The following DSCAML1 variants were observed in gnomAD, a reference collection of about 807,000 sequenced individuals.
DSCAML1 encodes DS cell adhesion molecule like 1, also known as cell adhesion molecule DSCAML1.
A neutral mutation model predicts 200.5 loss-of-function variants in DSCAML1; 38 were observed. The ratio of observed to expected loss-of-function variants is 0.19; its 90% CI spans 0.15 to 0.25. The LOEUF (loss-of-function observed/expected upper bound fraction) is 0.25. Among genes scored for constraint, DSCAML1 ranks in the 10% least tolerant of loss-of-function variants. DSCAML1 has a pLI of 1.00. For missense variants in DSCAML1, 2,223 were observed against 2,858.8 expected, an observed-to-expected ratio of 0.78 and a Z score of 5.07; for synonymous variants, 1,215 against 1,165.0, an observed-to-expected ratio of 1.04 and a Z score of -0.87.
At chr11:117,618,367 A>G (rs1406151525) in intron 3 of DSCAML1, among the ~76,000 whole-genome samples, 1 of 152,188 alleles carries the variant, frequency 6.6e-6, no homozygotes, top group East Asian at 1.9e-4. Flanking sequence ...GCTTAAATTT[A>G]TTTCCCTGGA....
intron 20 of DSCAML1, among the ~76,000 whole-genome samples, chr11:117,449,853 A>C (rs1222154159): frequency 3.3e-5 from 5 of 152,036 alleles, no homozygotes; most frequent in Admixed American, 3.3e-4. Context: ...GGGAAAATAC[A>C]TATGATGGGA....
At chr11:117,663,861 AC>A (rs1300930346) in intron 3 of DSCAML1, among the ~76,000 whole-genome samples, 1 of 152,080 alleles carries the variant, frequency 6.6e-6, no homozygotes, top group African/African-American at 2.4e-5. Flanking sequence ...CACTTACACA[AC>A]ATCTTTCCCC....
At chr11:117,546,047 G>A (rs1387678889) in intron 3 of DSCAML1, among the ~76,000 whole-genome samples, 1 of 152,266 alleles carries the variant, frequency 6.6e-6, no homozygotes, top group African/African-American at 2.4e-5. Flanking sequence ...AGAGCCAGAA[G>A]CTTTGGCCTG....
chr11:117,591,008 T>G (rs547748528), intron 3 of DSCAML1, among the ~76,000 whole-genome samples: 2 of 152,174 alleles, frequency 1.3e-5, no homozygotes, highest in African/African-American at 4.8e-5. Context: ...CACATCTTGA[T>G]AGTTGTGAAA....
Position 117,788,274 on chromosome 11 carries a change from T to A in DSCAML1, c.47-7464A>T, listed in dbSNP as rs112442286. 2.0e-3 allele frequency among the ~76,000 whole-genome samples: 299 copies of A among 152,282 alleles called. 1 individual carries two copies. Among genetic ancestry groups the A allele is most frequent in the African/African-American group, 6.7e-3 (278 of 41,562 alleles). On this transcript the variant is annotated intron_variant, in intron 1 of 32. Coordinates refer to ENST00000651296, the MANE Select transcript of DSCAML1 (RefSeq NM_020693.4). ...CACTACCTTCCCCATCACAGTGCCA[T>A]CTTTTGGTTTTTTTGGTTTGTTTTG...
At chr11:117,568,608 C>G (rs2050795651) in intron 3 of DSCAML1, among the ~76,000 whole-genome samples, 1 of 152,024 alleles carries the variant, frequency 6.6e-6, no homozygotes, top group African/African-American at 2.4e-5. Flanking sequence ...CATGAGTGAA[C>G]TCCCATTCAC....
At chr11:117,645,383 C>T (rs1398273935) in intron 3 of DSCAML1, among the ~76,000 whole-genome samples, 1 of 152,082 alleles carries the variant, frequency 6.6e-6, no homozygotes, top group Admixed American at 6.5e-5. Context: ...GAGAGAAATT[C>T]CAGGGAAGGT....
At chr11:117,683,548 A>G (rs2053347377) in intron 3 of DSCAML1, among the ~76,000 whole-genome samples, 1 of 152,242 alleles carries the variant, frequency 6.6e-6, no homozygotes, top group Non-Finnish European at 1.5e-5. Flanking sequence ...GGAAGCTCAG[A>G]GAGGTGAGTG....
At chr11:117,509,785 C>T (rs79309279) in intron 8 of DSCAML1, among the ~76,000 whole-genome samples, 183 of 152,324 alleles carry the variant, frequency 1.2e-3, no homozygotes, top group East Asian at 7.5e-3. Flanking sequence ...TGTGCCTGGC[C>T]ATTTCCATTT....
chr11:117,558,283 G>T (rs2050595805), intron 3 of DSCAML1, among the ~76,000 whole-genome samples: 1 of 152,108 alleles, frequency 6.6e-6, no homozygotes, highest in African/African-American at 2.4e-5. Context: ...GGTGGAGCGG[G>T]GACCCTTAAG....
chr11:117,658,387 T>C (rs1199961025), intron 3 of DSCAML1, among the ~76,000 whole-genome samples: 1 of 151,878 alleles, frequency 6.6e-6, no homozygotes, highest in Non-Finnish European at 1.5e-5. Flanking sequence ...GACGATGGAG[T>C]TCAACTCCTT....
chr11:117,547,843 G>A (rs973284725), intron 3 of DSCAML1, among the ~76,000 whole-genome samples: 2 of 152,122 alleles, frequency 1.3e-5, no homozygotes, highest in African/African-American at 4.8e-5. Context: ...GGCAGCCCAA[G>A]CCCACAGTCA....
chr11:117,510,773 G>A (rs1338042600), intron 8 of DSCAML1, among the ~76,000 whole-genome samples: 1 of 152,180 alleles, frequency 6.6e-6, no homozygotes, highest in Non-Finnish European at 1.5e-5. Context: ...GACATTCGTG[G>A]TCATTATCCT....
chr11:117,685,156 A>G (rs138570765), intron 3 of DSCAML1, among the ~76,000 whole-genome samples: 212 of 152,304 alleles, frequency 1.4e-3, no homozygotes, highest in African/African-American at 4.8e-3. Flanking sequence ...TGGATCACAC[A>G]GTGGGCGATA....
chr11:117,493,515 C>T (rs562420867), intron 11 of DSCAML1, among the ~76,000 whole-genome samples: 1 of 151,920 alleles, frequency 6.6e-6, no homozygotes, highest in Admixed American at 6.6e-5. Flanking sequence ...GGGGTTTCAC[C>T]ATGTTGGCCA....
chr11:117,598,041 T>C (rs1255730352), intron 3 of DSCAML1, among the ~76,000 whole-genome samples: 2 of 152,054 alleles, frequency 1.3e-5, no homozygotes, highest in African/African-American at 4.8e-5. Flanking sequence ...GAAGTAAATA[T>C]TTATTGGTCA....
At chr11:117,690,842 A>T (rs2053481516) in intron 3 of DSCAML1, among the ~76,000 whole-genome samples, 1 of 152,158 alleles carries the variant, frequency 6.6e-6, no homozygotes, top group African/African-American at 2.4e-5. Context: ...AGGGTGTGGG[A>T]GAGTAGAGGG....
intron 11 of DSCAML1, among the ~76,000 whole-genome samples, chr11:117,486,730 G>C (rs1406440509): frequency 6.6e-6 from 1 of 152,060 alleles, no homozygotes; most frequent in Non-Finnish European, 1.5e-5. Flanking sequence ...CAGAATCCTA[G>C]CATCCTAGCA....
intron 8 of DSCAML1, among the ~76,000 whole-genome samples, chr11:117,515,606 G>A (rs972640924): frequency 3.5e-5 from 3 of 86,584 alleles, no homozygotes; most frequent in Non-Finnish European, 7.6e-5. Flanking sequence ...CAGGAGGGAC[G>A]AAGCTTTTTT....
Sources: allele counts gnomAD v4.1 joint callset (sites outside exome capture counted in the v4.1 genomes callset), GRCh38; gene constraint gnomAD v4.1.1; transcripts MANE v1.5; gene names NCBI Gene and HGNC (gene_info 2026-07-23, HGNC 2026-07-21).